NFATC2: variants seen among roughly 807,000 people sequenced by gnomAD.
NFATC2 encodes nuclear factor of activated T cells 2.
Under a neutral mutation model 87.3 loss-of-function variants are expected in NFATC2, and 22 were observed. The ratio of observed to expected loss-of-function variants is 0.25; its 90% CI spans 0.18 to 0.36. NFATC2 has a LOEUF of 0.36. Among genes scored for constraint, NFATC2 ranks in the 10% least tolerant of loss-of-function variants. NFATC2 has a pLI of 1.00. For missense variants in NFATC2, 1,149 were observed against 1,259.1 expected (o/e 0.91, Z 1.32); for synonymous variants, 565 against 542.2 (o/e 1.04, Z -0.58).
chr20:51,426,805 CCAA>C (rs1349436405), intron 9 of NFATC2, among the ~76,000 whole-genome samples: 1 of 152,094 alleles, frequency 6.6e-6, no homozygotes, highest in African/African-American at 2.4e-5. Context: ...TTCTGGGGTG[CCAA>C]CAAGACTGTC....
At chr20:51,494,514 C>A (rs1280447887) in intron 3 of NFATC2, among the ~76,000 whole-genome samples, 1 of 152,192 alleles carries the variant, frequency 6.6e-6, no homozygotes, top group East Asian at 1.9e-4. Flanking sequence ...TCTGCTACTA[C>A]TACGTGCAGG....
intron 2 of NFATC2, among the ~76,000 whole-genome samples, chr20:51,522,301 G>T (rs1030830877): frequency 2.1e-4 from 32 of 151,974 alleles, no homozygotes; most frequent in African/African-American, 7.7e-4. Flanking sequence ...GTCGGGGAGG[G>T]GGAAGCTCTT....
intron 9 of NFATC2, among the ~76,000 whole-genome samples, chr20:51,407,177 G>A (rs1447605256): frequency 6.6e-6 from 1 of 152,138 alleles, no homozygotes; most frequent in Admixed American, 6.5e-5. Context: ...CGTTTGGAGG[G>A]CTCTCTTGAT....
intron 5 of NFATC2, among the ~76,000 whole-genome samples, chr20:51,457,903 T>G (rs1318922038): frequency 8.6e-6 from 1 of 116,146 alleles, no homozygotes; most frequent in Non-Finnish European, 1.8e-5. Flanking sequence ...TTTTTTTTTT[T>G]GAGACATGGT....
intron 6 of NFATC2, among the ~76,000 whole-genome samples, chr20:51,440,468 T>G (rs926843894): frequency 6.6e-6 from 1 of 152,208 alleles, no homozygotes; most frequent in Non-Finnish European, 1.5e-5. Context: ...AGGGAATTTA[T>G]GAAGCGACGA....
chr20:51,547,763 A>G (rs1198951030), intron 1 of NFATC2, among the ~76,000 whole-genome samples: 4 of 152,122 alleles, frequency 2.6e-5, no homozygotes, highest in South Asian at 2.1e-4. Flanking sequence ...GTGGTTCTTG[A>G]GTCCTCGCCT....
chr20:51,401,789 G>A (rs1023486666), intron 9 of NFATC2, among the ~76,000 whole-genome samples: 1 of 152,134 alleles, frequency 6.6e-6, no homozygotes, highest in African/African-American at 2.4e-5. Context: ...AATTTAAGAT[G>A]TAAATTAGAA....
chr20:51,495,819 C>T (rs1325337320), intron 3 of NFATC2, among the ~76,000 whole-genome samples: 58 of 152,294 alleles, frequency 3.8e-4, no homozygotes, highest in Non-Finnish European at 4.4e-5. Context: ...CTGAAGGGGA[C>T]TCTAACTCAC....
chr20:51,435,667 AG>A, intron 7 of NFATC2, 38 bp downstream of exon 7: 1 of 1,591,460 alleles, frequency 6.3e-7, no homozygotes, highest in Non-Finnish European at 8.6e-7. Flanking sequence ...GGGAAACGTG[AG>A]GGGGATTGAG....
chr20:51,500,497 A>G (rs897548091), intron 3 of NFATC2, among the ~76,000 whole-genome samples: 2 of 151,858 alleles, frequency 1.3e-5, no homozygotes, highest in East Asian at 2.0e-4. Context: ...GTAAGTTTAG[A>G]GGTAGGAGGG....
At chr20:51,441,514 G>A (rs1193020105) in intron 6 of NFATC2, among the ~76,000 whole-genome samples, 3 of 151,916 alleles carry the variant, frequency 2.0e-5, no homozygotes, top group African/African-American at 7.3e-5. Flanking sequence ...TCAGGAGTTC[G>A]AGACCCACCT....
intron 1 of NFATC2, among the ~76,000 whole-genome samples, chr20:51,537,631 C>T (rs1248219176): frequency 1.3e-5 from 2 of 152,146 alleles, no homozygotes; most frequent in African/African-American, 2.4e-5. Context: ...AGTACCCACC[C>T]GTCTCTCTCA....
At chr20:51,526,101 T>TGA (rs1286879469) in intron 1 of NFATC2, among the ~76,000 whole-genome samples, 1 of 152,014 alleles carries the variant, frequency 6.6e-6, no homozygotes, top group Non-Finnish European at 1.5e-5. Flanking sequence ...CCGCACCTCC[T>TGA]GAGATCGACC....
intron 3 of NFATC2, among the ~76,000 whole-genome samples, chr20:51,491,051 AC>A (rs2075873989): frequency 6.6e-6 from 1 of 152,172 alleles, no homozygotes; most frequent in African/African-American, 2.4e-5. Context: ...CTGCAAAAGG[AC>A]CCAAGGAGGT....
Position 51,417,516 on chromosome 20 carries a change from G to A in NFATC2, c.2722+14551C>T, listed in dbSNP as rs117752396. The stretch of plus-strand genomic sequence containing the variant: ...TCCTTCCCCTCACTCTCTTCCTCCC[G>A]GTCTCAAATCCAAAGTCACTTCCTC... On this transcript the variant is annotated intron_variant, in intron 9 of 10. Coordinates refer to ENST00000371564, the MANE Select transcript of NFATC2 (RefSeq NM_012340.5). Among the ~76,000 whole-genome samples, 139 of 152,100 alleles carry A rather than the reference G, an allele frequency of 9.1e-4. 1 individual carries two copies. The highest frequency in any genetic ancestry group is 3.3e-3 in the Admixed American group (51 of 15,288).
chr20:51,515,095 G>A (rs767859649), intron 3 of NFATC2, among the ~76,000 whole-genome samples: 1 of 152,188 alleles, frequency 6.6e-6, no homozygotes, highest in African/African-American at 2.4e-5. Context: ...CTGGATTCCT[G>A]GCACCGCTCA....
chr20:51,447,467 C>A (rs576538497), intron 6 of NFATC2, among the ~76,000 whole-genome samples: 2 of 152,322 alleles, frequency 1.3e-5, no homozygotes, highest in Admixed American at 1.3e-4. Context: ...ATTTACCAGC[C>A]GAAAAATTCC....
chr20:51,421,495 A>T (rs1980908620), intron 9 of NFATC2, among the ~76,000 whole-genome samples: 1 of 152,204 alleles, frequency 6.6e-6, no homozygotes, highest in South Asian at 2.1e-4. Context: ...AGGAACAACA[A>T]AACAAGTGTG....
At chr20:51,392,741 T>C (rs959997) in intron 10 of NFATC2, among the ~76,000 whole-genome samples, 1,702 of 152,292 alleles carry the variant, frequency 0.011, 13 homozygotes, top group Non-Finnish European at 0.018. Context: ...TTAAGTTACA[T>C]TGGCAGTGAG....
Sources: gnomAD v4.1 joint callset for allele counts (sites outside exome capture counted in the v4.1 genomes callset) on GRCh38, gnomAD v4.1.1 for gene constraint, MANE v1.5 for transcripts, NCBI Gene and HGNC (gene_info 2026-07-23, HGNC 2026-07-21) for gene names.